PLEKHG3: variants seen among roughly 807,000 people sequenced by gnomAD.
The protein encoded by PLEKHG3 is pleckstrin homology and RhoGEF domain containing G3, also known as pleckstrin homology domain-containing family G member 3.
A neutral mutation model predicts 94.9 loss-of-function variants in PLEKHG3; 62 were observed. That is an observed-to-expected ratio of 0.65 (90% CI 0.53 to 0.81). The LOEUF is 0.81. Among genes scored for constraint, PLEKHG3 ranks in the 30% least tolerant of loss-of-function variants. The pLI, the probability that PLEKHG3 is intolerant of heterozygous loss-of-function variation, is 0.00. For missense variants in PLEKHG3, 1,461 were observed against 1,619.3 expected (o/e 0.90, Z 1.68); for synonymous variants, 614 against 654.0 (o/e 0.94, Z 0.93).
rs1239416082 is a variant in PLEKHG3, at chr14:64,717,112, CG to C, written c.-39-10480del. Among the ~76,000 whole-genome samples, 3 of 144,270 alleles carry C rather than the reference CG, an allele frequency of 2.1e-5. No homozygotes were observed. Among genetic ancestry groups the C allele is most frequent in the African/African-American group, 5.2e-5 (2 of 38,616 alleles). The allele number at this position is 144,270 out of a possible 152,430, so 94.6% of individuals were successfully genotyped here. A position where few individuals can be genotyped will look rare whatever the true frequency, so the allele number is the denominator to read the frequency against. On this transcript the variant is annotated intron_variant, in intron 1 of 16. Transcript: ENST00000247226. The surrounding 1 kb of genome is among the most constrained non-coding windows in gnomAD (Gnocchi z 4.7). Reference sequence around the variant, plus strand: ...GGCTGGCCGCCTTTGGGAATTTACACGTGTGTGTGTGTGTGTGTGTGTGTGT... The same window carrying C: ...GGCTGGCCGCCTTTGGGAATTTACACTGTGTGTGTGTGTGTGTGTGTGTGT...
rs184995126 is a variant in PLEKHG3 at position 64,739,532 on chromosome 14, C to A, written c.1518+677C>A. 1.9e-3 allele frequency among the ~76,000 whole-genome samples: 286 copies of A among 152,322 alleles called. 2 individuals are homozygous for A. Among genetic ancestry groups the A allele is most frequent in the Non-Finnish European group, 5.7e-4 (39 of 68,018 alleles). On this transcript the variant is annotated intron_variant, in intron 15 of 16. Transcript: ENST00000247226. This position sits in a 1 kb window ranked among gnomAD's most constrained non-coding sequence, Gnocchi z 4.1. The stretch of plus-strand genomic sequence containing the variant: ...AGCCTGGACCCCATGTTGGACCCCA[C>A]AGCCAGGACTGAGAAGCCTGGATGA...
chr14:64,733,164 C>CTTTTTTTT (rs112116298), intron 12 of PLEKHG3, among the ~76,000 whole-genome samples: 2 of 135,356 alleles, frequency 1.5e-5, no homozygotes, highest in African/African-American at 5.6e-5. Context: ...TTTTCTTTTT[C>CTTTTTTTT]TTTTTTTTTT....
chr14:64,729,263 C>G (rs1165952202), intron 3 of PLEKHG3, among the ~76,000 whole-genome samples, 170 bp downstream of exon 3: 1 of 152,134 alleles, frequency 6.6e-6, no homozygotes, highest in South Asian at 2.1e-4. Context: ...GGCTGATCTG[C>G]TTTCTCTCAA....
rs1270020211 is a variant in PLEKHG3 at position 64,750,143 on chromosome 14, T to C, written c.*6440T>C. On this transcript the variant is annotated 3_prime_UTR_variant, in exon 17 of 17. Transcript: ENST00000247226. The stretch of plus-strand genomic sequence containing the variant: ...ACTGTTCCTGAGCACACAGTACAGG[T>C]TGTTCCAGGACCTGCAAAGATGCAG... 4.3e-6 allele frequency: 7 copies of C among 1,612,532 alleles called. No homozygotes were observed. The highest frequency in any genetic ancestry group is 5.9e-6 in the Non-Finnish European group (7 of 1,178,722).
chr14:64,718,474 G>T lies in PLEKHG3; in HGVS notation c.-39-9119G>T, dbSNP rs1319767170. 6.6e-6 allele frequency among the ~76,000 whole-genome samples: 1 copy of T among 152,138 alleles called. No homozygotes were observed. Among genetic ancestry groups the T allele is most frequent in the East Asian group, 1.9e-4 (1 of 5,198 alleles). ...TATAGCATATAAGCTCTGAAGAGTG[G>T]AGTCTGTGTGTGACTTGTCCTAACT... On this transcript the variant is annotated intron_variant, in intron 1 of 16. Transcript: ENST00000247226. This position sits in a 1 kb window ranked among gnomAD's most constrained non-coding sequence, Gnocchi z 5.0.
At position 64,722,671 on chromosome 14, in the gene PLEKHG3, G is replaced by T. The variant is rs1049712998; in HGVS notation, c.-39-4922G>T. On this transcript the variant is annotated intron_variant, in intron 1 of 16. Coordinates refer to ENST00000247226, the MANE Select transcript of PLEKHG3 (RefSeq NM_001308147.2). The surrounding 1 kb of genome is among the most constrained non-coding windows in gnomAD (Gnocchi z 4.3). The stretch of plus-strand genomic sequence containing the variant: ...GTGGCTTCTCATTCTTGAGTGTGGG[G>T]TGAAGGGCAGTGGATGAAATGACGA... 1.3e-5 allele frequency among the ~76,000 whole-genome samples: 2 copies of T among 152,306 alleles called. No homozygotes were observed. Among genetic ancestry groups the T allele is most frequent in the Middle Eastern group, 3.4e-3 (1 of 294 alleles).
In PLEKHG3 at chr14:64,712,719, A is replaced by G. The variant is rs140301450; in HGVS notation, c.-40+8015A>G. On this transcript the variant is annotated intron_variant, in intron 1 of 16. Coordinates refer to ENST00000247226, the MANE Select transcript of PLEKHG3 (RefSeq NM_001308147.2). Reference sequence around the variant, plus strand: ...GGTTCTAATAGTTTTGTGGTAGATTACTTAGGATTTTCCATATACAAGTTC... The same window carrying G: ...GGTTCTAATAGTTTTGTGGTAGATTGCTTAGGATTTTCCATATACAAGTTC... Among the ~76,000 whole-genome samples the G allele has an allele frequency of 4.5e-3, 691 of 152,274 alleles. 7 individuals carry two copies. Among genetic ancestry groups the G allele is most frequent in the African/African-American group, 0.016 (662 of 41,548 alleles).
Position 64,728,448 on chromosome 14 carries a change from A to T in PLEKHG3, c.351+466A>T, listed in dbSNP as rs904668478. Among the ~76,000 whole-genome samples, 2 of 152,224 alleles carry T rather than the reference A, an allele frequency of 1.3e-5. No individual in the cohort carries two copies. The highest frequency in any genetic ancestry group is 4.8e-5 in the African/African-American group (2 of 41,460). The stretch of plus-strand genomic sequence containing the variant: ...TCTGCCCCACTGGCTCAGGGCGTGG[A>T]TTAGTTTCCTAGGGCTGCCTTAACA... On this transcript the variant is annotated intron_variant, in intron 2 of 16. Coordinates refer to ENST00000247226, the MANE Select transcript of PLEKHG3 (RefSeq NM_001308147.2). The surrounding 1 kb of genome is among the most constrained non-coding windows in gnomAD (Gnocchi z 5.9).
chr14:64,706,730 G>C (rs970499291), intron 1 of PLEKHG3, among the ~76,000 whole-genome samples: 8 of 152,238 alleles, frequency 5.3e-5, no homozygotes, highest in African/African-American at 1.9e-4. Flanking sequence ...GCTATCCCAC[G>C]GTCACTGTTT....
At position 64,722,388 on chromosome 14, in the gene PLEKHG3, T is replaced by C. The variant is rs2081277143; in HGVS notation, c.-39-5205T>C. Among the ~76,000 whole-genome samples, 1 of 152,116 alleles carries C rather than the reference T, an allele frequency of 6.6e-6. No individual in the cohort carries two copies. The highest frequency in any genetic ancestry group is 1.5e-5 in the Non-Finnish European group (1 of 68,030). On this transcript the variant is annotated intron_variant, in intron 1 of 16. Coordinates refer to ENST00000247226, the MANE Select transcript of PLEKHG3 (RefSeq NM_001308147.2). This position sits in a 1 kb window ranked among gnomAD's most constrained non-coding sequence, Gnocchi z 4.3. The stretch of plus-strand genomic sequence containing the variant: ...CACACCCGGCTAATTTTTGTATTTT[T>C]AGTAGAGATGGGGTTTCCTCATATT...
Position 64,728,848 on chromosome 14 carries a change from TG to T in PLEKHG3, c.352-146del. 1 of 510,720 alleles carries T rather than the reference TG, an allele frequency of 2.0e-6. No homozygotes were observed. Among genetic ancestry groups the T allele is most frequent in the Non-Finnish European group, 3.5e-6 (1 of 285,868 alleles). 31.6% of individuals were successfully genotyped at this position (510,720 alleles called of 1,614,324 possible). ...TAAAGTCACATTCTGGGGTTCCAAG[TG>T]GACATGAATTTTGGGGTGGACACTG... On this transcript the variant is annotated intron_variant, in intron 2 of 16. Transcript: ENST00000247226. This position sits in a 1 kb window ranked among gnomAD's most constrained non-coding sequence, Gnocchi z 5.9.
rs895932895 is a variant in PLEKHG3, at chr14:64,709,448, G to A, written c.-40+4744G>A. 2.6e-5 allele frequency among the ~76,000 whole-genome samples: 4 copies of A among 152,166 alleles called. 1 individual carries two copies. The highest frequency in any genetic ancestry group is 4.1e-4 in the South Asian group (2 of 4,832). On this transcript the variant is annotated intron_variant, in intron 1 of 16. Transcript: ENST00000247226. ...TCAAGGAATGGATTTTTAAGGACTTGCACTCTCTTTCATGCTGAGCAGACT... is the reference window on the plus strand; with the variant it reads ...TCAAGGAATGGATTTTTAAGGACTTACACTCTCTTTCATGCTGAGCAGACT...
rs2081483002 is a variant in PLEKHG3, at chr14:64,732,294, T to C, written c.1212+113T>C. On this transcript the variant is annotated intron_variant, in intron 10 of 16. Transcript: ENST00000247226. The surrounding 1 kb of genome is among the most constrained non-coding windows in gnomAD (Gnocchi z 4.9). ...GATTTGGGCTCCAGTGGACAGTGAG[T>C]GTCAGTACAGCAGATGCCCCGGGCC... The C allele has an allele frequency of 4.1e-6, 5 of 1,227,004 alleles. No homozygotes were observed. Among genetic ancestry groups the C allele is most frequent in the Non-Finnish European group, 4.8e-6 (4 of 829,804 alleles). 76.0% of individuals were successfully genotyped at this position (1,227,004 alleles called of 1,614,324 possible).
rs796837006 is a variant in PLEKHG3 at position 64,718,714 on chromosome 14, C to G, written c.-39-8879C>G. On this transcript the variant is annotated intron_variant, in intron 1 of 16. Coordinates refer to ENST00000247226, the MANE Select transcript of PLEKHG3 (RefSeq NM_001308147.2). This position sits in a 1 kb window ranked among gnomAD's most constrained non-coding sequence, Gnocchi z 5.0. Reference sequence around the variant, plus strand: ...CTTTCATACACATTCTTCTGCTTTTCCTTTTTTTGATATTCCTCGTGACTT... The same window carrying G: ...CTTTCATACACATTCTTCTGCTTTTGCTTTTTTTGATATTCCTCGTGACTT... Among the ~76,000 whole-genome samples the G allele has an allele frequency of 3.5e-4, 54 of 152,298 alleles. No homozygotes were observed. The highest frequency in any genetic ancestry group is 1.2e-3 in the African/African-American group (50 of 41,562).
Position 64,747,545 on chromosome 14 carries a change from C to G in PLEKHG3, c.*3842C>G, listed in dbSNP as rs2081866254. 1.3e-5 allele frequency: 2 copies of G among 152,548 alleles called. No individual in the cohort carries two copies. Among genetic ancestry groups the G allele is most frequent in the Non-Finnish European group, 2.9e-5 (2 of 68,058 alleles). 9.4% of individuals were successfully genotyped at this position (152,548 alleles called of 1,614,324 possible). On this transcript the variant is annotated 3_prime_UTR_variant, in exon 17 of 17. Coordinates refer to ENST00000247226, the MANE Select transcript of PLEKHG3 (RefSeq NM_001308147.2). Reference sequence around the variant, plus strand: ...ACGTCTTCCTTCCTGTGGCTCCTGCCTGCTGCAGTTGGTGTCACCCTGACA... The same window carrying G: ...ACGTCTTCCTTCCTGTGGCTCCTGCGTGCTGCAGTTGGTGTCACCCTGACA...
In PLEKHG3 at chr14:64,728,854, T is replaced by G; in HGVS notation, c.352-142T>G. On this transcript the variant is annotated intron_variant, in intron 2 of 16. Transcript: ENST00000247226. The surrounding 1 kb of genome is among the most constrained non-coding windows in gnomAD (Gnocchi z 5.9). ...CACATTCTGGGGTTCCAAGTGGACA[T>G]GAATTTTGGGGTGGACACTGTCTCA... The G allele has an allele frequency of 2.0e-6, 1 of 505,642 alleles. No homozygotes were observed. 31.3% of individuals were successfully genotyped at this position (505,642 alleles called of 1,614,324 possible).
chr14:64,731,947 C>A lies in PLEKHG3; in HGVS notation c.1125+141C>A. On this transcript the variant is annotated intron_variant, in intron 9 of 16. Coordinates refer to ENST00000247226, the MANE Select transcript of PLEKHG3 (RefSeq NM_001308147.2). The surrounding 1 kb of genome is among the most constrained non-coding windows in gnomAD (Gnocchi z 6.1). ...GAGGCAAGGATCATTGCAGGCACCT[C>A]TCAGGGTCAAAGTGAGGAGTCAGGT... The A allele has an allele frequency of 1.2e-6, 1 of 840,992 alleles. No individual in the cohort carries two copies. The highest frequency in any genetic ancestry group is 1.4e-5 in the South Asian group (1 of 69,486). 52.1% of individuals were successfully genotyped at this position (840,992 alleles called of 1,614,324 possible).
intron 12 of PLEKHG3, among the ~76,000 whole-genome samples, chr14:64,736,351 G>C (rs1388722065): frequency 6.6e-6 from 1 of 152,278 alleles, no homozygotes; most frequent in African/African-American, 2.4e-5. Context: ...GTGATGCCCA[G>C]CCTTAAGGGC....
intron 1 of PLEKHG3, among the ~76,000 whole-genome samples, chr14:64,711,320 G>A (rs2081063098): frequency 6.6e-6 from 1 of 152,172 alleles, no homozygotes; most frequent in Non-Finnish European, 1.5e-5. Flanking sequence ...TTACAGTAGA[G>A]CCTGGATGAG....
Sources: gnomAD v4.1 joint callset for allele counts (sites outside exome capture counted in the v4.1 genomes callset) on GRCh38, gnomAD v4.1.1 for gene constraint, Gnocchi (gnomAD v3.1) non-coding constraint, MANE v1.5 for transcripts, NCBI Gene and HGNC (gene_info 2026-07-23, HGNC 2026-07-21) for gene names.